Variants in ZKSCAN1 observed in about 807,000 individuals in gnomAD.
The protein encoded by ZKSCAN1 is zinc finger protein with KRAB and SCAN domains 1.
A neutral mutation model predicts 51.6 loss-of-function variants in ZKSCAN1; 14 were observed. That is an observed-to-expected ratio of 0.27 (90% CI 0.18 to 0.42). The LOEUF is 0.42. ZKSCAN1 is among the 10% of genes least tolerant of loss of function. ZKSCAN1 has a pLI of 1.00. For missense variants in ZKSCAN1, 531 were observed against 710.0 expected (o/e 0.75, Z 2.86); for synonymous variants, 263 against 261.5 (o/e 1.01, Z -0.06).
At chr7:100,023,034 G>GT in intron 1 of ZKSCAN1, among the ~76,000 whole-genome samples, 1 of 151,534 alleles carries the variant, frequency 6.6e-6, no homozygotes, top group Non-Finnish European at 1.5e-5. Context: ...TTTTGACGGA[G>GT]TTTAACTTCT....
At chr7:100,027,955 T>A (rs755324642) in intron 3 of ZKSCAN1, among the ~76,000 whole-genome samples, 1 of 152,112 alleles carries the variant, frequency 6.6e-6, no homozygotes, top group Non-Finnish European at 1.5e-5. Flanking sequence ...ACAGTTGCTC[T>A]TTAGTAAATA....
At chr7:100,045,159 C>A (rs1236469649), downstream of ZKSCAN1, among the ~76,000 whole-genome samples, 1 of 152,148 alleles carries the variant, frequency 6.6e-6, no homozygotes, top group East Asian at 1.9e-4. Flanking sequence ...TCTGATCCCG[C>A]TACTTGGGAG....
intron 5 of ZKSCAN1, among the ~76,000 whole-genome samples, chr7:100,031,030 G>A (rs571856335): frequency 2.6e-5 from 4 of 152,258 alleles, no homozygotes; most frequent in Admixed American, 2.6e-4. Context: ...AGGTGACACT[G>A]TTGGCAGACA....
chr7:100,031,572 C>T (rs1167484437), intron 5 of ZKSCAN1, among the ~76,000 whole-genome samples: 1 of 152,176 alleles, frequency 6.6e-6, no homozygotes, highest in Non-Finnish European at 1.5e-5. Context: ...TGAGCCACTG[C>T]ACCTGGTCTC....
chr7:100,041,007 T>A lies in ZKSCAN1; in HGVS notation c.*6810T>A. 3 of 985,206 alleles carry A rather than the reference T, an allele frequency of 3.0e-6. No individual in the cohort carries two copies. The highest frequency in any genetic ancestry group is 3.6e-6 in the Non-Finnish European group (3 of 829,730). The allele number at this position is 985,206 out of a possible 1,614,324, so 61.0% of individuals were successfully genotyped here. ...GGGTGGGATAGCCAAGCAAAATCAG[T>A]AATTATTTTAAAATGAACATATGTA... On this transcript the variant is annotated 3_prime_UTR_variant, in exon 6 of 6. Transcript: ENST00000324306.
intron 5 of ZKSCAN1, among the ~76,000 whole-genome samples, chr7:100,032,159 TA>T (rs1791134356): frequency 6.6e-6 from 1 of 152,260 alleles, no homozygotes; most frequent in Non-Finnish European, 1.5e-5. Context: ...GAGAAATATT[TA>T]CTATTCCTTT....
intron 3 of ZKSCAN1, among the ~76,000 whole-genome samples, chr7:100,027,008 A>C (rs1166143072): frequency 6.6e-6 from 1 of 152,086 alleles, no homozygotes; most frequent in Non-Finnish European, 1.5e-5. Flanking sequence ...CAAAAAAGAA[A>C]AAAAAAGGCC....
intron 3 of ZKSCAN1, among the ~76,000 whole-genome samples, chr7:100,027,492 T>C (rs150170020): frequency 0.016 from 2,446 of 151,520 alleles, 63 homozygotes; most frequent in African/African-American, 0.057. Flanking sequence ...GGCTCACGCC[T>C]GTAATTCCAG....
rs1458344795 is a variant in ZKSCAN1, at chr7:100,036,787, T to C, written c.*2590T>C. 2 of 983,874 alleles carry C rather than the reference T, an allele frequency of 2.0e-6. No homozygotes were observed. The highest frequency in any genetic ancestry group is 2.4e-6 in the Non-Finnish European group (2 of 829,634). 60.9% of individuals were successfully genotyped at this position (983,874 alleles called of 1,614,324 possible). On this transcript the variant is annotated 3_prime_UTR_variant, in exon 6 of 6. Coordinates refer to ENST00000324306, the MANE Select transcript of ZKSCAN1 (RefSeq NM_003439.4). ...CTCCAGGCAACGACCCAAGCACTTA[T>C]TTTTTAAGAGGGAAAGGACTTTGGT...
Position 100,033,626 on chromosome 7 carries a change from C to A in ZKSCAN1, c.1121C>A (p.Thr374Lys). ...FTTPEEVPTG[T>K]KSHRCDECGK... ...ACCCCTGAAGAAGTTCCCACGGGAA[C>A]AAAGTCTCACAGATGTGATGAATGT... is the stretch of plus-strand genomic sequence containing the variant. The change falls in exon 6 of 6, where the codon ACA becomes AAA. Residue 374 changes from threonine to lysine, a missense_variant. Transcript: ENST00000324306. This position sits in a 1 kb window ranked among gnomAD's most constrained non-coding sequence, Gnocchi z 4.1. 1 of 1,614,214 alleles carries A rather than the reference C, an allele frequency of 6.2e-7. No individual in the cohort carries two copies. Among genetic ancestry groups the A allele is most frequent in the Non-Finnish European group, 8.5e-7 (1 of 1,180,042 alleles).
chr7:100,044,381 C>T (rs1337728801), downstream of ZKSCAN1, among the ~76,000 whole-genome samples: 2 of 151,964 alleles, frequency 1.3e-5, no homozygotes. Flanking sequence ...TAACAAGTAG[C>T]ACTGAGCCGG....
chr7:100,041,061 T>A lies in ZKSCAN1; in HGVS notation c.*6864T>A. On this transcript the variant is annotated 3_prime_UTR_variant, in exon 6 of 6. Coordinates refer to ENST00000324306, the MANE Select transcript of ZKSCAN1 (RefSeq NM_003439.4). ...TTATTAACTTTTAGTTAAATACAGA[T>A]TTTACAACGAGGTCAGCATAAGCCT... 1.0e-6 allele frequency: 1 copy of A among 972,352 alleles called. No homozygotes were observed. 60.2% of individuals were successfully genotyped at this position (972,352 alleles called of 1,614,324 possible).
chr7:100,042,860 C>T (rs1221669379), downstream of ZKSCAN1, among the ~76,000 whole-genome samples: 1 of 149,544 alleles, frequency 6.7e-6, no homozygotes, highest in African/African-American at 2.5e-5. Context: ...TGCAGTGGCG[C>T]CATCTCGGCT....
chr7:100,038,334 A>G lies in ZKSCAN1; in HGVS notation c.*4137A>G, dbSNP rs1791450682. The G allele has an allele frequency of 2.0e-6, 2 of 985,386 alleles. No homozygotes were observed. The highest frequency in any genetic ancestry group is 9.4e-5 in the South Asian group (2 of 21,292). 61.0% of individuals were successfully genotyped at this position (985,386 alleles called of 1,614,324 possible). On this transcript the variant is annotated 3_prime_UTR_variant, in exon 6 of 6. Transcript: ENST00000324306. Reference sequence around the variant, plus strand: ...AGTGAAGAAATCAGTGTGATTGTAGACAAAAAGTCGGTTCACAGAACGGAG... The same window carrying G: ...AGTGAAGAAATCAGTGTGATTGTAGGCAAAAAGTCGGTTCACAGAACGGAG...
At chr7:100,021,621 C>T (rs2115834938) in intron 1 of ZKSCAN1, among the ~76,000 whole-genome samples, 1 of 152,098 alleles carries the variant, frequency 6.6e-6, no homozygotes, top group South Asian at 2.1e-4. Context: ...TGGTTTTTAC[C>T]TCCTAATGTG....
chr7:100,039,590 A>T lies in ZKSCAN1; in HGVS notation c.*5393A>T. On this transcript the variant is annotated 3_prime_UTR_variant, in exon 6 of 6. Coordinates refer to ENST00000324306, the MANE Select transcript of ZKSCAN1 (RefSeq NM_003439.4). ...TTTAATTTTTATCCTAGAGTCAGTC[A>T]CTTTTATTCCAGGTAGTCATGCTGA... 20 of 985,424 alleles carry T rather than the reference A, an allele frequency of 2.0e-5. No homozygotes were observed. The highest frequency in any genetic ancestry group is 2.4e-5 in the Non-Finnish European group (20 of 829,934). 61.0% of individuals were successfully genotyped at this position (985,424 alleles called of 1,614,324 possible). A position where few individuals can be genotyped will look rare whatever the true frequency, so the allele number is the denominator to read the frequency against.
chr7:100,024,352 C>A (rs373203596), intron 3 of ZKSCAN1, 45 bp downstream of exon 3: 3 of 1,602,942 alleles, frequency 1.9e-6, no homozygotes, highest in Non-Finnish European at 2.6e-6. Context: ...TGATTCAGGA[C>A]GAGAGTCTTT....
chr7:100,039,001 A>AC lies in ZKSCAN1; in HGVS notation c.*4804_*4805insC, dbSNP rs1791483769. On this transcript the variant is annotated 3_prime_UTR_variant, in exon 6 of 6. Transcript: ENST00000324306. ...TGGCGTGAGACTCCATGTCAAAAAA[A>AC]AAAAAAAGGTTGGGGGGAGGATAGG... 6.5e-6 allele frequency: 1 copy of AC among 154,378 alleles called. No individual in the cohort carries two copies. The highest frequency in any genetic ancestry group is 2.1e-4 in the South Asian group (1 of 4,820). 9.6% of individuals were successfully genotyped at this position (154,378 alleles called of 1,614,324 possible).
At chr7:100,018,955 A>G (rs1438213072) in intron 1 of ZKSCAN1, among the ~76,000 whole-genome samples, 1 of 152,226 alleles carries the variant, frequency 6.6e-6, no homozygotes, top group Non-Finnish European at 1.5e-5. Flanking sequence ...GCATCTTCGC[A>G]CTGACCCAAG....
Sources: gnomAD v4.1 joint callset for allele counts (sites outside exome capture counted in the v4.1 genomes callset) on GRCh38, gnomAD v4.1.1 for gene constraint, Gnocchi (gnomAD v3.1) non-coding constraint, MANE v1.5 for transcripts, NCBI Gene and HGNC (gene_info 2026-07-23, HGNC 2026-07-21) for gene names.